PCDH15: variants seen among roughly 807,000 people sequenced by gnomAD.
PCDH15 encodes the protein protocadherin-15.
PCDH15 carries 129 observed loss-of-function variants against 178.5 expected under a neutral mutation model. The observed-to-expected ratio is 0.72, with a 90% CI of 0.63 to 0.84. PCDH15 has a LOEUF of 0.84. Among genes scored for constraint, PCDH15 ranks in the 40% least tolerant of loss-of-function variants. The probability of loss-of-function intolerance (pLI) is 0.00; values close to 1 mark genes in which losing one functional copy is unlikely to be tolerated. For missense variants in PCDH15, 2,230 were observed against 2,099.9 expected (o/e 1.06, Z -1.21); for synonymous variants, 800 against 732.0 (o/e 1.09, Z -1.50).
At position 54,984,035 on chromosome 10, in the gene PCDH15, A is replaced by G. The variant is rs571072627; in HGVS notation, c.-79-86535T>C. Among the ~76,000 whole-genome samples, 251 of 152,318 alleles carry G rather than the reference A, an allele frequency of 1.6e-3. 1 individual carries two copies. Among genetic ancestry groups the G allele is most frequent in the South Asian group, 3.7e-3 (18 of 4,822 alleles). ...TAGAAAGTGTAAGTAGAGAATTATA[A>G]GAAGGGAATTAAAAGTAAAGGCTTT... On this transcript the variant is annotated intron_variant, in intron 2 of 5. Transcript: ENST00000458638.
chr10:55,338,052 A>T (rs1844445319), intron 2 of PCDH15, among the ~76,000 whole-genome samples: 1 of 152,198 alleles, frequency 6.6e-6, no homozygotes, highest in South Asian at 2.1e-4. Flanking sequence ...TATATGGAAA[A>T]AAAGCTCAAC....
At chr10:54,717,414 G>GA (rs2095494081) in intron 1 of PCDH15, among the ~76,000 whole-genome samples, 1 of 139,122 alleles carries the variant, frequency 7.2e-6, no homozygotes, top group South Asian at 2.3e-4. Flanking sequence ...AAATTTACAA[G>GA]AAAAAAACAA....
At chr10:55,077,414 C>T (rs1841926165) in intron 2 of PCDH15, among the ~76,000 whole-genome samples, 1 of 146,360 alleles carries the variant, frequency 6.8e-6, no homozygotes, top group African/African-American at 2.6e-5. Context: ...TTCCTTCCTT[C>T]CTTCCTTCCT....
At chr10:53,833,376 C>G (rs1227635267) in intron 29 of PCDH15, among the ~76,000 whole-genome samples, 2 of 152,024 alleles carry the variant, frequency 1.3e-5, no homozygotes, top group Non-Finnish European at 2.9e-5. Context: ...CAATTTTTTA[C>G]TAGAAGGATG....
At chr10:54,910,323 C>T (rs899232070) in intron 2 of PCDH15, among the ~76,000 whole-genome samples, 1 of 152,180 alleles carries the variant, frequency 6.6e-6, no homozygotes, top group African/African-American at 2.4e-5. Context: ...GAGCAAAAAA[C>T]TCCATTCACT....
At chr10:55,205,330 G>A (rs909467438) in intron 1 of PCDH15, among the ~76,000 whole-genome samples, 21 of 151,638 alleles carry the variant, frequency 1.4e-4, no homozygotes, top group African/African-American at 4.4e-4. Context: ...TCTGGAAATC[G>A]GTCTACTTAT....
chr10:54,348,148 G>A (rs1405163712), intron 5 of PCDH15, among the ~76,000 whole-genome samples: 1 of 152,060 alleles, frequency 6.6e-6, no homozygotes, highest in African/African-American at 2.4e-5. Flanking sequence ...GCGCCCGGCT[G>A]ACAACAGATT....
intron 21 of PCDH15, among the ~76,000 whole-genome samples, chr10:53,990,620 G>A (rs902749835): frequency 6.6e-6 from 1 of 151,100 alleles, no homozygotes; most frequent in African/African-American, 2.4e-5. Context: ...AAGAAAGTTG[G>A]TCAAAATTGT....
chr10:54,184,702 A>C (rs1416736511), intron 12 of PCDH15, among the ~76,000 whole-genome samples: 1 of 152,016 alleles, frequency 6.6e-6, no homozygotes, highest in African/African-American at 2.4e-5. Flanking sequence ...GTGACAAACA[A>C]AAATGCCTCC....
intron 21 of PCDH15, among the ~76,000 whole-genome samples, chr10:53,991,347 G>A (rs182313079): frequency 6.6e-6 from 1 of 152,298 alleles, no homozygotes; most frequent in Non-Finnish European, 1.5e-5. Context: ...AGCACTCTGT[G>A]TCTAGCTTGG....
intron 1 of PCDH15, among the ~76,000 whole-genome samples, chr10:54,786,744 A>G (rs879786861): frequency 6.6e-6 from 1 of 151,862 alleles, no homozygotes; most frequent in Non-Finnish European, 1.5e-5. Flanking sequence ...GTTTCTTATC[A>G]TTTAGTCTTC....
At chr10:54,066,974 A>G in intron 17 of PCDH15, 89 bp from the exon 18 acceptor site, 1 of 1,295,746 alleles carries the variant, frequency 7.7e-7, no homozygotes, top group Non-Finnish European at 1.1e-6. Context: ...TGTCTATCTG[A>G]AAAGCATCTC....
intron 32 of PCDH15, chr10:53,822,732 G>A: frequency 6.2e-7 from 1 of 1,613,990 alleles, no homozygotes; most frequent in Non-Finnish European, 8.5e-7. Flanking sequence ...GTGAGGCCTG[G>A]GAAAGCAAAA....
chr10:54,400,820 G>A (rs181325647), intron 3 of PCDH15, among the ~76,000 whole-genome samples: 36 of 151,686 alleles, frequency 2.4e-4, no homozygotes, highest in Non-Finnish European at 4.6e-4. Context: ...AAAGATAGAC[G>A]AAAAGAGAAA....
At chr10:54,913,096 C>T (rs1477698060) in intron 2 of PCDH15, among the ~76,000 whole-genome samples, 1 of 152,150 alleles carries the variant, frequency 6.6e-6, no homozygotes, top group East Asian at 1.9e-4. Context: ...AAAAGAAAAA[C>T]CCATTTTCTG....
At chr10:54,907,631 C>A (rs1954747949) in intron 2 of PCDH15, among the ~76,000 whole-genome samples, 1 of 152,208 alleles carries the variant, frequency 6.6e-6, no homozygotes, top group East Asian at 1.9e-4. Flanking sequence ...CCTATAAATA[C>A]AATGTTCTCC....
intron 1 of PCDH15, among the ~76,000 whole-genome samples, chr10:54,768,987 T>G (rs192277875): frequency 6.6e-6 from 1 of 152,294 alleles, no homozygotes; most frequent in East Asian, 1.9e-4. Flanking sequence ...CTCGTTCATT[T>G]TAATTCCTCA....
chr10:53,878,255 ATACAG>A (rs1241855873), intron 26 of PCDH15, among the ~76,000 whole-genome samples: 7 of 142,742 alleles, frequency 4.9e-5, no homozygotes, highest in Non-Finnish European at 1.1e-4. Flanking sequence ...CTACATATAC[ATACAG>A]TAAACTATGG....
chr10:55,220,037 A>G (rs967474979), intron 1 of PCDH15, among the ~76,000 whole-genome samples: 1 of 152,014 alleles, frequency 6.6e-6, no homozygotes, highest in Non-Finnish European at 1.5e-5. Context: ...GATATCAGAA[A>G]TAAAGCCACA....
Sources: gnomAD v4.1 joint callset for allele counts (sites outside exome capture counted in the v4.1 genomes callset) on GRCh38, gnomAD v4.1.1 for gene constraint, MANE v1.5 for transcripts, NCBI Gene and HGNC (gene_info 2026-07-23, HGNC 2026-07-21) for gene names.